Variants in ANKRD36C observed in about 807,000 individuals in gnomAD.
ANKRD36C encodes ankyrin repeat domain 36C.
In ANKRD36C, 61 loss-of-function variants were observed where a neutral mutation model predicts 276.4. That is an observed-to-expected ratio of 0.22 (90% CI 0.18 to 0.27). The LOEUF (loss-of-function observed/expected upper bound fraction) is 0.27. ANKRD36C is among the 10% of genes least tolerant of loss of function. The probability of loss-of-function intolerance (pLI) is 1.00; values close to 1 mark genes in which losing one functional copy is unlikely to be tolerated. For synonymous variants in ANKRD36C, 483 were observed against 680.1 expected (o/e 0.71, Z 4.51); for missense variants, 1,447 against 2,032.3 (o/e 0.71, Z 5.54).
At chr2:95,980,745 T>C in exon 5 of ANKRD36C, 1 of 1,606,876 alleles carries the variant, frequency 6.2e-7, no homozygotes, top group South Asian at 1.1e-5. Flanking sequence ...AGAATGACTA[T>C]ATCTTTTTCT....
chr2:95,930,726 T>C (rs1230512774), intron 24 of ANKRD36C, among the ~76,000 whole-genome samples: 1 of 151,614 alleles, frequency 6.6e-6, no homozygotes, highest in Non-Finnish European at 1.5e-5. Flanking sequence ...ATACATTCTT[T>C]GATTCCTTTT....
At chr2:95,967,016 C>A (rs1245288861) in intron 6 of ANKRD36C, among the ~76,000 whole-genome samples, 2 of 152,196 alleles carry the variant, frequency 1.3e-5, no homozygotes, top group African/African-American at 2.4e-5. Flanking sequence ...TATCCTGAGA[C>A]TATGAGGAAG....
intron 6 of ANKRD36C, among the ~76,000 whole-genome samples, chr2:95,965,994 C>T (rs1189252777): frequency 6.6e-6 from 1 of 152,054 alleles, no homozygotes; most frequent in Non-Finnish European, 1.5e-5. Flanking sequence ...TACATGTCGT[C>T]AATAAGTTTT....
intron 65 of ANKRD36C, 50 bp downstream of exon 85, chr2:95,852,076 C>A: frequency 6.5e-7 from 1 of 1,541,556 alleles, no homozygotes; most frequent in Non-Finnish European, 8.9e-7. Context: ...TACAGTGCTC[C>A]TTTGCTTTAT....
chr2:95,911,986 C>T (rs955201154), intron 42 of ANKRD36C, among the ~76,000 whole-genome samples: 1 of 151,356 alleles, frequency 6.6e-6, no homozygotes, highest in Admixed American at 6.6e-5. Flanking sequence ...TATGCTGTAC[C>T]CCAGAGCCCC....
chr2:95,884,329 A>G lies in ANKRD36C; in HGVS notation c.3192+11T>C, dbSNP rs1374385972. ...ATTACTAGTTCACAATATAAATAAG[A>G]GTTTAATTACCTTCAAGGCTGGTTG... On this transcript the variant is annotated intron_variant, in intron 53 of 66. Coordinates refer to ENST00000456556, the Ensembl canonical transcript of ANKRD36C. 1.2e-6 allele frequency: 2 copies of G among 1,610,840 alleles called. No individual in the cohort carries two copies. The highest frequency in any genetic ancestry group is 1.7e-6 in the Non-Finnish European group (2 of 1,179,148).
At chr2:95,918,071 T>C in intron 34 of ANKRD36C, 29 bp from the exon 37 acceptor site, 1 of 1,596,224 alleles carries the variant, frequency 6.3e-7, no homozygotes, top group Non-Finnish European at 8.5e-7. Context: ...ACATAATCAC[T>C]CATGTGTAAA....
intron 58 of ANKRD36C, among the ~76,000 whole-genome samples, chr2:95,879,786 A>T (rs1676035879): frequency 6.6e-6 from 1 of 151,328 alleles, no homozygotes. Flanking sequence ...AATATTTTAC[A>T]GTATCAAAAT....
At chr2:95,862,914 C>T (rs1675615803) in intron 60 of ANKRD36C, among the ~76,000 whole-genome samples, 1 of 151,836 alleles carries the variant, frequency 6.6e-6, no homozygotes, top group Admixed American at 6.6e-5. Flanking sequence ...CCTAATCATA[C>T]ACCAAACACG....
At chr2:95,976,528 TAAG>T (rs1464635776) in intron 6 of ANKRD36C, among the ~76,000 whole-genome samples, 2 of 152,188 alleles carry the variant, frequency 1.3e-5, no homozygotes, top group South Asian at 2.1e-4. Context: ...AAGGAGCAGA[TAAG>T]AAGACCACAG....
chr2:95,960,655 T>C (rs1372308012), exon 9 of ANKRD36C: 1 of 1,252,884 alleles, frequency 8.0e-7, no homozygotes, highest in South Asian at 1.5e-5. Context: ...GGCCGGTTGT[T>C]TCTGAGAAGA....
At chr2:95,949,910 T>C (rs554137573) in intron 16 of ANKRD36C, among the ~76,000 whole-genome samples, 2 of 151,966 alleles carry the variant, frequency 1.3e-5, no homozygotes, top group African/African-American at 4.9e-5. Flanking sequence ...TAATAGAAGA[T>C]CATAAACCCT....
At chr2:95,886,828 T>G (rs1365971685) in intron 50 of ANKRD36C, among the ~76,000 whole-genome samples, 1 of 151,680 alleles carries the variant, frequency 6.6e-6, no homozygotes, top group Non-Finnish European at 1.5e-5. Context: ...CACACCCATG[T>G]GCTGTAATAA....
At chr2:95,902,929 C>G in intron 42 of ANKRD36C, 1 of 1,589,618 alleles carries the variant, frequency 6.3e-7, no homozygotes, top group South Asian at 1.1e-5. Flanking sequence ...TGGCTATATT[C>G]AAAAGAGAAT....
chr2:95,915,891 A>G, intron 38 of ANKRD36C, 89 bp downstream of exon 40: 3 of 1,458,474 alleles, frequency 2.1e-6, no homozygotes, highest in Non-Finnish European at 2.8e-6. Flanking sequence ...CAGAATGTGC[A>G]GCTTCGACCA....
chr2:95,920,065 G>C, intron 34 of ANKRD36C, 145 bp from the exon 35 acceptor site: 1 of 1,000,280 alleles, frequency 1.0e-6, no homozygotes, highest in Non-Finnish European at 1.4e-6. Flanking sequence ...CTTGGGACTG[G>C]AACATGACAG....
chr2:95,909,063 T>A (rs1183051373), intron 42 of ANKRD36C, among the ~76,000 whole-genome samples: 25 of 150,126 alleles, frequency 1.7e-4, no homozygotes, highest in Non-Finnish European at 3.1e-4. Flanking sequence ...ATGATCCCAC[T>A]TATCTTTCAT....
intron 6 of ANKRD36C, among the ~76,000 whole-genome samples, chr2:95,970,842 T>C (rs927155187): frequency 6.6e-6 from 1 of 152,152 alleles, no homozygotes; most frequent in Non-Finnish European, 1.5e-5. Flanking sequence ...ATTGTCCCTT[T>C]CCACTGCTAG....
At chr2:95,948,351 G>GC (rs1678109286) in intron 17 of ANKRD36C, among the ~76,000 whole-genome samples, 179 bp downstream of exon 17, 1 of 151,656 alleles carries the variant, frequency 6.6e-6, no homozygotes. Context: ...TTTCTTATTT[G>GC]CAAAGTAAAA....
Sources: gnomAD v4.1 joint callset for allele counts (sites outside exome capture counted in the v4.1 genomes callset) on GRCh38, gnomAD v4.1.1 for gene constraint, MANE v1.5 for transcripts, NCBI Gene and HGNC (gene_info 2026-07-23, HGNC 2026-07-21) for gene names.